FBXL17: variants seen among roughly 807,000 people sequenced by gnomAD.
The protein encoded by FBXL17 is F-box/LRR-repeat protein 17.
In FBXL17, 22 loss-of-function variants were observed where a neutral mutation model predicts 66.2. The ratio of observed to expected loss-of-function variants is 0.33; its 90% confidence interval spans 0.24 to 0.47. The LOEUF (loss-of-function observed/expected upper bound fraction) is 0.47, where lower values mean the gene tolerates loss of function less well. Among genes scored for constraint, FBXL17 ranks in the 20% least tolerant of loss-of-function variants. The probability of loss-of-function intolerance (pLI) is 1.00; values close to 1 mark genes in which losing one functional copy is unlikely to be tolerated. For synonymous variants in FBXL17, 474 were observed against 400.5 expected (o/e 1.18, Z -2.19); for missense variants, 878 against 948.2 (o/e 0.93, Z 0.97).
chr5:107,920,672 T>A (rs1268144390), intron 7 of FBXL17, among the ~76,000 whole-genome samples: 1 of 152,180 alleles, frequency 6.6e-6, no homozygotes, highest in African/African-American at 2.4e-5. Flanking sequence ...TTGAGAAAAT[T>A]GAATGACTTC....
At chr5:108,055,860 A>G (rs891226715) in intron 6 of FBXL17, among the ~76,000 whole-genome samples, 2 of 152,020 alleles carry the variant, frequency 1.3e-5, no homozygotes, top group African/African-American at 4.8e-5. Context: ...GAAAAAAGAA[A>G]AAAAAGTCTA....
chr5:108,222,050 C>T (rs577053728), intron 5 of FBXL17, among the ~76,000 whole-genome samples: 1 of 152,282 alleles, frequency 6.6e-6, no homozygotes, highest in South Asian at 2.1e-4. Flanking sequence ...TGTTGATAGA[C>T]CAAACCAGCA....
At chr5:108,108,786 GT>G (rs200030704) in intron 6 of FBXL17, among the ~76,000 whole-genome samples, 24 of 144,406 alleles carry the variant, frequency 1.7e-4, no homozygotes, top group Non-Finnish European at 2.9e-4. Flanking sequence ...CTTTGTTTTT[GT>G]TTTTTTTTTT....
intron 7 of FBXL17, among the ~76,000 whole-genome samples, chr5:107,912,748 T>C (rs965395966): frequency 1.3e-5 from 2 of 152,168 alleles, no homozygotes; most frequent in African/African-American, 4.8e-5. Context: ...TTCAGTTTTA[T>C]CTGTAGCATC....
chr5:107,978,468 T>C (rs1752672980), intron 7 of FBXL17, among the ~76,000 whole-genome samples: 1 of 152,176 alleles, frequency 6.6e-6, no homozygotes. Flanking sequence ...CCAGAGCTCA[T>C]GAGATTTGTA....
At chr5:108,124,669 G>A (rs893078120) in intron 6 of FBXL17, among the ~76,000 whole-genome samples, 3 of 151,982 alleles carry the variant, frequency 2.0e-5, no homozygotes, top group Non-Finnish European at 4.4e-5. Context: ...TATTTTTACA[G>A]CAAGCATAAA....
intron 6 of FBXL17, among the ~76,000 whole-genome samples, chr5:108,109,450 C>T (rs865870425): frequency 1.3e-5 from 2 of 152,218 alleles, no homozygotes; most frequent in Middle Eastern, 6.8e-3. Context: ...TAGATCATAA[C>T]CCTTTTGTCC....
At chr5:108,238,939 A>G (rs555883569) in intron 4 of FBXL17, among the ~76,000 whole-genome samples, 11 of 152,220 alleles carry the variant, frequency 7.2e-5, no homozygotes, top group Non-Finnish European at 4.4e-5. Context: ...TTGTAATTAT[A>G]TGACTGATAT....
intron 4 of FBXL17, among the ~76,000 whole-genome samples, chr5:108,276,525 T>A (rs201366665): frequency 1.3e-5 from 2 of 152,274 alleles, no homozygotes; most frequent in East Asian, 3.9e-4. Context: ...CTGCTCAGTA[T>A]AAAACACTGC....
At chr5:108,176,261 A>C (rs1430318836) in intron 6 of FBXL17, among the ~76,000 whole-genome samples, 1 of 152,204 alleles carries the variant, frequency 6.6e-6, no homozygotes, top group East Asian at 1.9e-4. Flanking sequence ...ACAAATTATG[A>C]TTTCATAACA....
At chr5:108,336,854 G>A (rs772485929) in intron 4 of FBXL17, among the ~76,000 whole-genome samples, 8 of 152,126 alleles carry the variant, frequency 5.3e-5, no homozygotes, top group South Asian at 2.1e-4. Flanking sequence ...TGAATTTTAC[G>A]TCCTAAAAGC....
chr5:107,907,964 T>C (rs1056367319), intron 7 of FBXL17, among the ~76,000 whole-genome samples: 1 of 152,216 alleles, frequency 6.6e-6, no homozygotes, highest in African/African-American at 2.4e-5. Flanking sequence ...CAAAGGACTA[T>C]AAATCATGCT....
chr5:108,242,236 C>G (rs915193784), intron 4 of FBXL17, among the ~76,000 whole-genome samples: 2 of 152,008 alleles, frequency 1.3e-5, no homozygotes, highest in Admixed American at 6.6e-5. Flanking sequence ...ATAGATAGTA[C>G]AATAAGAGAG....
At chr5:107,951,686 T>C (rs1341580129) in intron 7 of FBXL17, among the ~76,000 whole-genome samples, 1 of 152,224 alleles carries the variant, frequency 6.6e-6, no homozygotes, top group Non-Finnish European at 1.5e-5. Flanking sequence ...GCCTAGGTAA[T>C]CCCAGGCAAT....
chr5:108,361,519 T>G (rs1748335777), intron 3 of FBXL17, among the ~76,000 whole-genome samples: 1 of 152,078 alleles, frequency 6.6e-6, no homozygotes, highest in African/African-American at 2.4e-5. Context: ...TGAACAAGTG[T>G]CCTGCCCTGG....
chr5:108,025,700 CACAA>C (rs1282301919), intron 6 of FBXL17, among the ~76,000 whole-genome samples: 33 of 127,576 alleles, frequency 2.6e-4, no homozygotes, highest in African/African-American at 1.2e-3. Flanking sequence ...CACACACACA[CACAA>C]ACACACACAC....
In FBXL17 at chr5:108,246,767, G is replaced by A. The variant is rs181485841; in HGVS notation, c.1507-22539C>T. On this transcript the variant is annotated intron_variant, in intron 4 of 8. Coordinates refer to ENST00000542267, the MANE Select transcript of FBXL17 (RefSeq NM_001163315.3). ...AAAATTGCTTTAAATCAGTTAATTT[G>A]GCAAAAGATAGAAAAGATTATATGT... is the stretch of plus-strand genomic sequence containing the variant. 4.4e-3 allele frequency among the ~76,000 whole-genome samples: 672 copies of A among 152,206 alleles called. 16 individuals carry two copies. Among genetic ancestry groups the A allele is most frequent in the Admixed American group, 0.039 (593 of 15,294 alleles).
Position 108,218,286 on chromosome 5 carries a change from G to T in FBXL17, c.1614+5835C>A, listed in dbSNP as rs371400154. Among the ~76,000 whole-genome samples, 50 of 152,120 alleles carry T rather than the reference G, an allele frequency of 3.3e-4. 3 individuals carry two copies. The East Asian group carries it at 4.8e-3, about 15-fold the overall frequency. ...GCCTCCCAAAGTGCTGAGATTACAGGTGTGAGCCACCGCGCCTGGCCAACA... is the reference window on the plus strand; with the variant it reads ...GCCTCCCAAAGTGCTGAGATTACAGTTGTGAGCCACCGCGCCTGGCCAACA... On this transcript the variant is annotated intron_variant, in intron 5 of 8. Transcript: ENST00000542267.
chr5:108,343,932 G>T (rs1420185150), intron 4 of FBXL17, among the ~76,000 whole-genome samples: 1 of 152,170 alleles, frequency 6.6e-6, no homozygotes, highest in African/African-American at 2.4e-5. Context: ...GCTTTCTTGT[G>T]TTTTGTGGCA....
Sources: gnomAD v4.1 joint callset for allele counts (sites outside exome capture counted in the v4.1 genomes callset) on GRCh38, gnomAD v4.1.1 for gene constraint, MANE v1.5 for transcripts, NCBI Gene and HGNC (gene_info 2026-07-23, HGNC 2026-07-21) for gene names.